KIF18A: variants seen among roughly 807,000 people sequenced by gnomAD.
The protein encoded by KIF18A is kinesin family member 18A, also known as kinesin-like protein KIF18A.
A neutral mutation model predicts 103.3 loss-of-function variants in KIF18A; 67 were observed. The observed-to-expected ratio is 0.65, with a 90% CI of 0.53 to 0.79. The LOEUF (loss-of-function observed/expected upper bound fraction) is 0.79. Ranked by LOEUF, KIF18A falls within the 30% of genes least tolerant of loss-of-function variation. The pLI is 0.00. For synonymous variants in KIF18A, 367 were observed against 355.5 expected (o/e 1.03, Z -0.36); for missense variants, 1,032 against 1,062.5 (o/e 0.97, Z 0.40).
At position 28,021,106 on chromosome 11, in the gene KIF18A, T is replaced by C; in HGVS notation, c.*94A>G. On this transcript the variant is annotated 3_prime_UTR_variant, in exon 17 of 17. Transcript: ENST00000263181. ...GTAAACTTAGCTTTAAGATGGGTCT[T>C]CTTTCAAAGATTTTAAATATATTTT... 1 of 1,204,172 alleles carries C rather than the reference T, an allele frequency of 8.3e-7. No individual in the cohort carries two copies. The highest frequency in any genetic ancestry group is 2.6e-5 in the South Asian group (1 of 38,848). 74.6% of individuals were successfully genotyped at this position (1,204,172 alleles called of 1,614,324 possible).
chr11:28,036,268 T>C lies in KIF18A; in HGVS notation c.2345A>G (p.Lys782Arg), dbSNP rs1850487761. Residue 782 changes from lysine (K) to arginine (R), a missense_variant, in exon 14 of 17, where the codon AAA becomes AGA. Physicochemically the swap from Lys to Arg is conservative, Grantham distance 26 (BLOSUM62 2). Transcript: ENST00000263181. ...TGGTAGTGATTCTTGTTCGGGTAAT[T>C]TACACTTCGAGCTCTTGATGTCTTC... Reference protein sequence around the residue: ...ICEDIKSSKCKLPEQESLPND... With the variant: ...ICEDIKSSKCRLPEQESLPND... The C allele has an allele frequency of 6.2e-7, 1 of 1,608,736 alleles. No individual in the cohort carries two copies.
At chr11:28,078,556 G>A (rs1019924964) in intron 9 of KIF18A, among the ~76,000 whole-genome samples, 8 of 152,054 alleles carry the variant, frequency 5.3e-5, no homozygotes, top group Middle Eastern at 3.2e-3. Context: ...AAAAGCTATC[G>A]TTTTAAAACT....
chr11:28,069,400 T>A lies in KIF18A; in HGVS notation c.1449A>T (p.Arg483Ser), dbSNP rs1850980841. ...VEKATGKRDH[R>S]LAMLKTRRSY... is the part of the protein sequence containing the mutation. Reference sequence around the variant, plus strand: ...AGCGACGAGTTTTCAACATTGCAAGTCTATGATCTCGTTTTCCAGTGGCCT... The same window carrying A: ...AGCGACGAGTTTTCAACATTGCAAGACTATGATCTCGTTTTCCAGTGGCCT... The change falls in exon 11 of 17, where the codon AGA becomes AGT. Residue 483 changes from arginine to serine, a missense_variant. By Grantham distance (110) the Arg-to-Ser change is moderately radical (BLOSUM62 -1). Coordinates refer to ENST00000263181, the MANE Select transcript of KIF18A (RefSeq NM_031217.4). 1.9e-6 allele frequency: 3 copies of A among 1,613,182 alleles called. No individual in the cohort carries two copies. The East Asian group carries it at 6.7e-5, about 36-fold the overall frequency.
chr11:28,026,228 G>A (rs1850318179), intron 15 of KIF18A, among the ~76,000 whole-genome samples: 2 of 151,738 alleles, frequency 1.3e-5, no homozygotes, highest in African/African-American at 4.8e-5. Context: ...GGAATATCCA[G>A]TGCTTTCAAA....
chr11:28,072,597 T>C (rs550579325), intron 10 of KIF18A, among the ~76,000 whole-genome samples: 1 of 152,096 alleles, frequency 6.6e-6, no homozygotes, highest in Non-Finnish European at 1.5e-5. Context: ...GTGGGTTAAC[T>C]ACACCCAATA....
intron 12 of KIF18A, among the ~76,000 whole-genome samples, chr11:28,060,899 C>T (rs943789194): frequency 1.3e-5 from 2 of 152,232 alleles, no homozygotes; most frequent in Non-Finnish European, 2.9e-5. Context: ...GCTGCCACAA[C>T]TTTTTGCTGG....
At chr11:28,022,861 G>A (rs930980066) in intron 16 of KIF18A, among the ~76,000 whole-genome samples, 22 of 152,100 alleles carry the variant, frequency 1.4e-4, no homozygotes, top group African/African-American at 5.1e-4. Context: ...AAGTTACTGA[G>A]GAATTTTATA....
At chr11:28,048,508 G>T (rs1850668377) in intron 13 of KIF18A, among the ~76,000 whole-genome samples, 1 of 151,966 alleles carries the variant, frequency 6.6e-6, no homozygotes, top group East Asian at 1.9e-4. Context: ...ATATATAATA[G>T]ATTCCACTGT....
intron 6 of KIF18A, among the ~76,000 whole-genome samples, chr11:28,086,871 C>T (rs1401109677): frequency 1.3e-5 from 2 of 151,834 alleles, no homozygotes; most frequent in African/African-American, 2.4e-5. Context: ...TTACAAAATC[C>T]GTCTCTGTGT....
intron 11 of KIF18A, 114 bp downstream of exon 11, chr11:28,069,145 G>T: frequency 1.3e-6 from 1 of 772,288 alleles, no homozygotes; most frequent in Non-Finnish European, 2.2e-6. Context: ...AAATCTCAGA[G>T]TTATGAGGCA....
intron 13 of KIF18A, among the ~76,000 whole-genome samples, chr11:28,053,986 GGA>G (rs1850746293): frequency 6.6e-6 from 1 of 151,274 alleles, no homozygotes; most frequent in South Asian, 2.1e-4. Context: ...ACTTGAAGGA[GGA>G]GAGTTATTTG....
intron 5 of KIF18A, among the ~76,000 whole-genome samples, chr11:28,089,118 C>G (rs1344596554): frequency 1.3e-5 from 2 of 152,148 alleles, no homozygotes; most frequent in African/African-American, 4.8e-5. Flanking sequence ...GAGATTGCCC[C>G]TCAAGGGAAG....
At chr11:28,094,315 T>C (rs1851339298) in intron 3 of KIF18A, among the ~76,000 whole-genome samples, 1 of 152,134 alleles carries the variant, frequency 6.6e-6, no homozygotes, top group Admixed American at 6.5e-5. Context: ...AAGTCCTGTT[T>C]TTACAAGTCT....
At chr11:28,043,972 G>C (rs1421848170) in intron 13 of KIF18A, among the ~76,000 whole-genome samples, 1 of 151,654 alleles carries the variant, frequency 6.6e-6, no homozygotes, top group Non-Finnish European at 1.5e-5. Context: ...TAAAAAATCA[G>C]CTCTTTCAAA....
intron 1 of KIF18A, among the ~76,000 whole-genome samples, chr11:28,098,578 T>C (rs1416092345): frequency 1.3e-5 from 2 of 152,116 alleles, no homozygotes; most frequent in Non-Finnish European, 2.9e-5. Context: ...CAAGGATGCA[T>C]TCAACTAGAT....
chr11:28,071,142 GA>G (rs1442078444), intron 10 of KIF18A, among the ~76,000 whole-genome samples: 21 of 152,166 alleles, frequency 1.4e-4, no homozygotes, highest in Admixed American at 1.4e-3. Flanking sequence ...GGATTCCTGA[GA>G]TCCTTTCAGA....
chr11:28,098,374 A>G (rs1851402846), intron 1 of KIF18A, among the ~76,000 whole-genome samples: 1 of 152,194 alleles, frequency 6.6e-6, no homozygotes. Flanking sequence ...CTCCAGCACT[A>G]TTTCAGCTTA....
intron 10 of KIF18A, among the ~76,000 whole-genome samples, chr11:28,073,506 G>T (rs984446299): frequency 2.6e-5 from 4 of 152,080 alleles, no homozygotes; most frequent in Non-Finnish European, 5.9e-5. Context: ...GACAGCTGGG[G>T]TTTAATATTG....
chr11:28,058,489 GAAAAAAAAAAA>G (rs34177202), intron 13 of KIF18A, among the ~76,000 whole-genome samples: 2 of 54,246 alleles, frequency 3.7e-5, no homozygotes, highest in African/African-American at 8.0e-5. Flanking sequence ...GTTTCTACAG[GAAAAAAAAAAA>G]AAAAAAAAAA....
Sources: gnomAD v4.1 joint callset for allele counts (sites outside exome capture counted in the v4.1 genomes callset) on GRCh38, gnomAD v4.1.1 for gene constraint, MANE v1.5 for transcripts, NCBI Gene and HGNC (gene_info 2026-07-23, HGNC 2026-07-21) for gene names.